SLC25A21: variants seen among roughly 807,000 people sequenced by gnomAD.
The protein encoded by SLC25A21 is mitochondrial 2-oxodicarboxylate carrier.
A neutral mutation model predicts 43.8 loss-of-function variants in SLC25A21; 47 were observed. The observed-to-expected ratio is 1.07, with a 90% CI of 0.85 to 1.37. The LOEUF is 1.37. Among genes scored for constraint, SLC25A21 ranks in the 40% most tolerant of loss-of-function variants. SLC25A21 has a pLI of 0.00. For missense variants in SLC25A21, 352 were observed against 350.2 expected (o/e 1.00, Z -0.04); for synonymous variants, 131 against 121.3 (o/e 1.08, Z -0.52).
chr14:37,012,432 G>T (rs138848680), intron 1 of SLC25A21, among the ~76,000 whole-genome samples: 3 of 152,154 alleles, frequency 2.0e-5, no homozygotes, highest in East Asian at 3.9e-4. Flanking sequence ...CTTAAAATGA[G>T]ATTATTATAA....
At chr14:37,168,823 C>G (rs1173027803) in intron 1 of SLC25A21, among the ~76,000 whole-genome samples, 1 of 152,138 alleles carries the variant, frequency 6.6e-6, no homozygotes, top group African/African-American at 2.4e-5. Flanking sequence ...GTGTGGCACT[C>G]TGACAACCTT....
chr14:36,896,617 C>T (rs1293138849), intron 1 of SLC25A21, among the ~76,000 whole-genome samples: 3 of 152,158 alleles, frequency 2.0e-5, no homozygotes, highest in Non-Finnish European at 4.4e-5. Context: ...TTAATTGATG[C>T]AGTTTCTTCC....
intron 1 of SLC25A21, among the ~76,000 whole-genome samples, chr14:37,057,282 G>A (rs547427012): frequency 2.6e-5 from 4 of 152,126 alleles, no homozygotes; most frequent in Admixed American, 6.5e-5. Context: ...TACAGTAACA[G>A]TTGGAATCCT....
intron 3 of SLC25A21, among the ~76,000 whole-genome samples, chr14:36,740,622 A>AC (rs201254066): frequency 0.023 from 2,937 of 128,982 alleles, 78 homozygotes; most frequent in African/African-American, 0.074. Flanking sequence ...CCCTCATTCA[A>AC]CCCCCCCACC....
chr14:37,135,474 A>G (rs921510657), intron 1 of SLC25A21, among the ~76,000 whole-genome samples: 1 of 146,828 alleles, frequency 6.8e-6, no homozygotes, highest in Admixed American at 6.8e-5. Flanking sequence ...AGATCCCCCC[A>G]CCCTCGGCCT....
chr14:36,707,520 G>T (rs1449926639), intron 7 of SLC25A21, among the ~76,000 whole-genome samples: 2 of 152,000 alleles, frequency 1.3e-5, no homozygotes, highest in Non-Finnish European at 2.9e-5. Context: ...TTAAATCGGG[G>T]TCCTGATTAA....
chr14:37,124,228 G>A (rs1055690746), intron 1 of SLC25A21, among the ~76,000 whole-genome samples: 2 of 151,678 alleles, frequency 1.3e-5, no homozygotes, highest in Non-Finnish European at 2.9e-5. Flanking sequence ...GCCACACTGA[G>A]CACTTTGAGA....
In SLC25A21 at chr14:36,887,059, G is replaced by A. The variant is rs116372885; in HGVS notation, c.71-12055C>T. ...TGAGTATATAAAATGTCTTTAAAGA[G>A]AAGGAAATGTGAAGAAAATAGAGAG... On this transcript the variant is annotated intron_variant, in intron 1 of 9. Transcript: ENST00000331299. 6.3e-3 allele frequency among the ~76,000 whole-genome samples: 952 copies of A among 152,192 alleles called. 9 individuals carry two copies. Among genetic ancestry groups the A allele is most frequent in the African/African-American group, 0.022 (898 of 41,538 alleles).
chr14:36,783,089 T>C (rs2138382691), intron 3 of SLC25A21, among the ~76,000 whole-genome samples: 1 of 152,126 alleles, frequency 6.6e-6, no homozygotes, highest in East Asian at 1.9e-4. Flanking sequence ...ATAGGTTTTC[T>C]CTAGGGTGGT....
chr14:37,032,934 G>A (rs1403287884), intron 1 of SLC25A21, among the ~76,000 whole-genome samples: 2 of 152,066 alleles, frequency 1.3e-5, no homozygotes, highest in Admixed American at 6.5e-5. Flanking sequence ...AGGTAAGGGA[G>A]ATTTCAAATA....
chr14:36,816,495 CTCT>C (rs1888459846), intron 2 of SLC25A21, among the ~76,000 whole-genome samples: 1 of 140,618 alleles, frequency 7.1e-6, no homozygotes, highest in Non-Finnish European at 1.5e-5. Flanking sequence ...ACATATTCTC[CTCT>C]TTTTTTTTTT....
At chr14:37,078,655 C>T (rs559207080) in intron 1 of SLC25A21, among the ~76,000 whole-genome samples, 4 of 152,286 alleles carry the variant, frequency 2.6e-5, no homozygotes, top group South Asian at 4.1e-4. Flanking sequence ...ATAAAGATCC[C>T]TATCTCCAAA....
chr14:36,779,554 T>C (rs1755439565), intron 3 of SLC25A21, among the ~76,000 whole-genome samples: 1 of 102,652 alleles, frequency 9.7e-6, no homozygotes, highest in South Asian at 3.7e-4. Flanking sequence ...CATATTCTTA[T>C]ATATATGAAG....
chr14:36,747,277 G>C (rs1885536895), intron 3 of SLC25A21, among the ~76,000 whole-genome samples: 1 of 152,032 alleles, frequency 6.6e-6, no homozygotes. Flanking sequence ...GTGGGCTCTG[G>C]AGCCACACTC....
chr14:37,106,290 T>A lies in SLC25A21; in HGVS notation c.70+65991A>T, dbSNP rs376763360. 3.9e-5 allele frequency among the ~76,000 whole-genome samples: 6 copies of A among 152,218 alleles called. No homozygotes were observed. In the South Asian group the frequency reaches 1.2e-3, roughly 32 times the overall value. ...CTTGCAGAAAGCCTATAAATGGAAG[T>A]GCAAGTAGGAGAGATATTGCTAAAT... On this transcript the variant is annotated intron_variant, in intron 1 of 9. Coordinates refer to ENST00000331299, the MANE Select transcript of SLC25A21 (RefSeq NM_030631.4).
intron 1 of SLC25A21, among the ~76,000 whole-genome samples, chr14:37,165,856 T>C (rs1278799573): frequency 2.6e-5 from 4 of 152,120 alleles, no homozygotes; most frequent in Non-Finnish European, 5.9e-5. Flanking sequence ...AACTGATCAT[T>C]AGGAAGAATG....
chr14:36,965,089 A>G (rs984127127), intron 1 of SLC25A21, among the ~76,000 whole-genome samples: 9 of 152,174 alleles, frequency 5.9e-5, no homozygotes, highest in Non-Finnish European at 1.3e-4. Context: ...TCTAACTGAC[A>G]TATTAATTTC....
intron 1 of SLC25A21, among the ~76,000 whole-genome samples, chr14:37,027,706 A>G (rs1961123091): frequency 6.6e-6 from 1 of 152,200 alleles, no homozygotes; most frequent in Non-Finnish European, 1.5e-5. Context: ...GCTGACTAAA[A>G]GAGTAAATCA....
chr14:36,977,940 C>CTT (rs35382738), intron 1 of SLC25A21, among the ~76,000 whole-genome samples: 1 of 128,106 alleles, frequency 7.8e-6, no homozygotes, highest in African/African-American at 3.0e-5. Context: ...GATTACAAAG[C>CTT]TTTTTTTTTT....
Sources: gnomAD v4.1 joint callset for allele counts (sites outside exome capture counted in the v4.1 genomes callset) on GRCh38, gnomAD v4.1.1 for gene constraint, MANE v1.5 for transcripts, NCBI Gene and HGNC (gene_info 2026-07-23, HGNC 2026-07-21) for gene names.